MAML3: variants seen among roughly 807,000 people sequenced by gnomAD.
MAML3 encodes the protein mastermind-like protein 3.
In MAML3, 27 loss-of-function variants were observed where a neutral mutation model predicts 101.9. That is an observed-to-expected ratio of 0.27 (90% CI 0.20 to 0.37). The LOEUF is 0.37. MAML3 is among the 10% of genes least tolerant of loss of function. The pLI is 1.00. For synonymous variants in MAML3, 501 were observed against 555.9 expected (o/e 0.90, Z 1.39); for missense variants, 1,316 against 1,444.9 (o/e 0.91, Z 1.45).
At chr4:139,729,156 CAAAAAAA>C (rs4057275) in intron 3 of MAML3, among the ~76,000 whole-genome samples, 1 of 81,704 alleles carries the variant, frequency 1.2e-5, no homozygotes, top group Admixed American at 1.4e-4. Context: ...GGAACAAAAG[CAAAAAAA>C]AAAAAAAAAA....
chr4:140,059,549 T>A (rs2110935446), intron 1 of MAML3, among the ~76,000 whole-genome samples: 1 of 152,328 alleles, frequency 6.6e-6, no homozygotes, highest in Admixed American at 6.5e-5. Flanking sequence ...AAGGAGATTT[T>A]AAAAATACTT....
At chr4:139,752,732 T>G (rs1193093203) in intron 2 of MAML3, among the ~76,000 whole-genome samples, 1 of 152,024 alleles carries the variant, frequency 6.6e-6, no homozygotes, top group Non-Finnish European at 1.5e-5. Context: ...CAATCGAAGA[T>G]CGCAGCACTA....
At chr4:139,733,138 G>A (rs982007325) in intron 2 of MAML3, among the ~76,000 whole-genome samples, 8 of 152,146 alleles carry the variant, frequency 5.3e-5, no homozygotes, top group African/African-American at 1.9e-4. Flanking sequence ...ATGGCTGATT[G>A]GCTTTACACT....
At chr4:139,852,403 G>GTTTTTTTTTTTTTTGTTTT (rs1731572998) in intron 2 of MAML3, among the ~76,000 whole-genome samples, 2 of 68,324 alleles carry the variant, frequency 2.9e-5, no homozygotes, top group African/African-American at 1.3e-4. Context: ...TCAGAAGACT[G>GTTTTTTTTTTTTTTGTTTT]TTTTTTTTTT....
chr4:140,007,069 A>G (rs1055990590), intron 1 of MAML3, among the ~76,000 whole-genome samples: 3 of 152,252 alleles, frequency 2.0e-5, no homozygotes, highest in Non-Finnish European at 2.9e-5. Context: ...ATCCTATAAC[A>G]TAGGATGTTG....
At chr4:139,874,615 T>G (rs1418142945) in intron 2 of MAML3, among the ~76,000 whole-genome samples, 2 of 152,140 alleles carry the variant, frequency 1.3e-5, no homozygotes, top group Non-Finnish European at 1.5e-5. Context: ...TGAAACTGGC[T>G]TAAAGGAAAA....
chr4:139,829,296 A>ATT (rs1731121624), intron 2 of MAML3, among the ~76,000 whole-genome samples: 1 of 152,188 alleles, frequency 6.6e-6, no homozygotes, highest in South Asian at 2.1e-4. Flanking sequence ...AAAGGAAAGG[A>ATT]AAGAAAAGGT....
intron 2 of MAML3, among the ~76,000 whole-genome samples, chr4:139,802,076 G>A (rs955503153): frequency 2.0e-5 from 3 of 152,052 alleles, no homozygotes; most frequent in Non-Finnish European, 4.4e-5. Context: ...GGCTCGGATC[G>A]GCAACAGACT....
intron 1 of MAML3, among the ~76,000 whole-genome samples, chr4:140,047,494 A>C (rs1386752529): frequency 6.6e-6 from 1 of 152,212 alleles, no homozygotes; most frequent in Non-Finnish European, 1.5e-5. Context: ...CCAGAGATGA[A>C]GGCGCGGAGC....
At chr4:140,061,431 G>A (rs953987054) in intron 1 of MAML3, among the ~76,000 whole-genome samples, 2 of 152,150 alleles carry the variant, frequency 1.3e-5, no homozygotes, top group African/African-American at 4.8e-5. Context: ...AGCTAAGATT[G>A]GCAGGAAACA....
At chr4:139,986,797 A>T (rs1351065047) in intron 1 of MAML3, among the ~76,000 whole-genome samples, 2 of 152,210 alleles carry the variant, frequency 1.3e-5, no homozygotes, top group Non-Finnish European at 2.9e-5. Flanking sequence ...GTAAATACAC[A>T]GTAAATTGTA....
intron 2 of MAML3, among the ~76,000 whole-genome samples, chr4:139,883,955 C>G (rs72931637): frequency 0.022 from 2,931 of 135,316 alleles, 95 homozygotes; most frequent in African/African-American, 0.079. Flanking sequence ...AATGGGCAGT[C>G]ACTGAAACCC....
intron 1 of MAML3, among the ~76,000 whole-genome samples, chr4:139,955,654 T>TA (rs1445005725): frequency 6.6e-6 from 1 of 152,230 alleles, no homozygotes; most frequent in Non-Finnish European, 1.5e-5. Flanking sequence ...ACAGTCTCTT[T>TA]AAATGGACCA....
intron 2 of MAML3, among the ~76,000 whole-genome samples, chr4:139,842,382 T>C (rs1731377132): frequency 6.6e-6 from 1 of 152,272 alleles, no homozygotes; most frequent in African/African-American, 2.4e-5. Flanking sequence ...AGGAAACTAA[T>C]TATGGAATGG....
chr4:139,842,717 C>T (rs141292715), intron 2 of MAML3, among the ~76,000 whole-genome samples: 2 of 132,394 alleles, frequency 1.5e-5, no homozygotes, highest in East Asian at 2.3e-4. Flanking sequence ...GAGGTTTCAC[C>T]GTGTTGGTCA....
intron 1 of MAML3, among the ~76,000 whole-genome samples, chr4:140,064,240 G>A (rs1427032883): frequency 2.6e-5 from 4 of 152,202 alleles, no homozygotes; most frequent in Middle Eastern, 3.4e-3. Context: ...TCATTGTGGA[G>A]GTATTTCAGG....
intron 1 of MAML3, among the ~76,000 whole-genome samples, chr4:140,151,711 T>C (rs1175600726): frequency 2.1e-5 from 3 of 143,334 alleles, no homozygotes; most frequent in Non-Finnish European, 3.1e-5. Context: ...GGCACACACC[T>C]TTCCCAAGCT....
chr4:139,777,130 C>T (rs1730110149), intron 2 of MAML3, among the ~76,000 whole-genome samples: 1 of 152,150 alleles, frequency 6.6e-6, no homozygotes, highest in African/African-American at 2.4e-5. Flanking sequence ...TGATGTGGTA[C>T]AGGGCCCTGG....
chr4:140,074,896 G>A (rs547994066), intron 1 of MAML3, among the ~76,000 whole-genome samples: 4 of 152,256 alleles, frequency 2.6e-5, no homozygotes, highest in Non-Finnish European at 5.9e-5. Flanking sequence ...CAGGCTATGT[G>A]TACAAGGTGC....
Sources: gnomAD v4.1 joint callset for allele counts (sites outside exome capture counted in the v4.1 genomes callset) on GRCh38, gnomAD v4.1.1 for gene constraint, MANE v1.5 for transcripts, NCBI Gene and HGNC (gene_info 2026-07-23, HGNC 2026-07-21) for gene names.